Variants in PTPRS observed in about 807,000 individuals in gnomAD.
PTPRS encodes protein tyrosine phosphatase receptor type S, also known as receptor-type tyrosine-protein phosphatase S.
A neutral mutation model predicts 215.3 loss-of-function variants in PTPRS; 63 were observed. That is an observed-to-expected ratio of 0.29 (90% CI 0.24 to 0.36). The LOEUF (loss-of-function observed/expected upper bound fraction) is 0.36. PTPRS is among the 10% of genes least tolerant of loss of function. The pLI is 1.00. For missense variants in PTPRS, 2,258 were observed against 2,825.8 expected, an observed-to-expected ratio of 0.80 and a Z score of 4.56; for synonymous variants, 1,404 against 1,191.4, an observed-to-expected ratio of 1.18 and a Z score of -3.68.
chr19:5,216,856 G>C, intron 25 of PTPRS, 89 bp from the exon 26 acceptor site: 1 of 841,564 alleles, frequency 1.2e-6, no homozygotes, highest in Non-Finnish European at 2.0e-6. Flanking sequence ...ACTGGCTGGC[G>C]GATGCAAAGG....
rs2044252793 is a variant in PTPRS at position 5,243,835 on chromosome 19, C to T, written c.1570+66G>A. 9 of 1,333,170 alleles carry T rather than the reference C, an allele frequency of 6.8e-6. No individual in the cohort carries two copies. The South Asian group carries it at 1.2e-4, about 18-fold the overall frequency. The allele number at this position is 1,333,170 out of a possible 1,614,324, so 82.6% of individuals were successfully genotyped here. A position where few individuals can be genotyped will look rare whatever the true frequency, so the allele number is the denominator to read the frequency against. ...AACCCACAAACCGCTCTGCGGCTTC[C>T]AGGGAGCATGCAAAGAACCAAGCCG... On this transcript the variant is annotated intron_variant, in intron 11 of 37. Coordinates refer to ENST00000262963, the MANE Select transcript of PTPRS (RefSeq NM_002850.4).
At chr19:5,208,176 T>C in intron 36 of PTPRS, 61 bp downstream of exon 36, 1 of 1,558,128 alleles carries the variant, frequency 6.4e-7, no homozygotes, top group South Asian at 1.2e-5. Context: ...CTTGGGGCTG[T>C]CCCCACCAGG....
At position 5,260,626 on chromosome 19, in the gene PTPRS, C is replaced by G. The variant is rs191340487; in HGVS notation, c.595+179G>C. On this transcript the variant is annotated intron_variant, in intron 7 of 37. Transcript: ENST00000262963. ...GAGGAGTCACCTCGGCCACATTCAG[C>G]CCCCTGGCCACAGACACAGACACAG... is the stretch of plus-strand genomic sequence containing the variant. Among the ~76,000 whole-genome samples the G allele has an allele frequency of 5.2e-3, 789 of 152,326 alleles. 5 individuals carry two copies. The highest frequency in any genetic ancestry group is 4.4e-3 in the Non-Finnish European group (296 of 68,028).
Position 5,257,561 on chromosome 19 carries a change from G to A in PTPRS, c.706+456C>T, listed in dbSNP as rs1041086767. 2.6e-5 allele frequency: 11 copies of A among 431,318 alleles called. No homozygotes were observed. The highest frequency in any genetic ancestry group is 1.4e-4 in the East Asian group (2 of 14,046). 26.7% of individuals were successfully genotyped at this position (431,318 alleles called of 1,614,324 possible). ...CCTGGATTAGGGGGGGCAGTGAAGC[G>A]GGGAGCTACGAGGCCACAAAGTTGG... is the stretch of plus-strand genomic sequence containing the variant. On this transcript the variant is annotated intron_variant, in intron 8 of 37. Coordinates refer to ENST00000262963, the MANE Select transcript of PTPRS (RefSeq NM_002850.4). This position sits in a 1 kb window ranked among gnomAD's most constrained non-coding sequence, Gnocchi z 4.4.
At chr19:5,256,925 C>T (rs2045598534) in intron 8 of PTPRS, among the ~76,000 whole-genome samples, 1 of 151,894 alleles carries the variant, frequency 6.6e-6, no homozygotes. Flanking sequence ...ACAACTAGGG[C>T]TTGGTACTTC....
At chr19:5,300,048 C>A (rs1463321764) in intron 1 of PTPRS, among the ~76,000 whole-genome samples, 3 of 151,786 alleles carry the variant, frequency 2.0e-5, no homozygotes, top group African/African-American at 7.3e-5. Flanking sequence ...TGAGACCAGC[C>A]TGGACAACAT....
At chr19:5,213,812 A>G (rs908514865) in intron 30 of PTPRS, among the ~76,000 whole-genome samples, 1 of 152,234 alleles carries the variant, frequency 6.6e-6, no homozygotes, top group Non-Finnish European at 1.5e-5. Context: ...CCTCCCCATC[A>G]TGACAATAAC....
chr19:5,213,721 G>A (rs970619055), intron 30 of PTPRS, among the ~76,000 whole-genome samples: 1 of 152,128 alleles, frequency 6.6e-6, no homozygotes, highest in Non-Finnish European at 1.5e-5. Flanking sequence ...CAGTTTTCTG[G>A]CACTTAGGTC....
intron 1 of PTPRS, among the ~76,000 whole-genome samples, chr19:5,306,424 C>A (rs1442793101): frequency 1.3e-5 from 2 of 152,050 alleles, no homozygotes; most frequent in Non-Finnish European, 2.9e-5. Context: ...GGATTACAGG[C>A]ATGAACTACC....
At chr19:5,301,563 G>A (rs1345077298) in intron 1 of PTPRS, among the ~76,000 whole-genome samples, 4 of 151,084 alleles carry the variant, frequency 2.6e-5, no homozygotes, top group Non-Finnish European at 5.9e-5. Flanking sequence ...TGATCCACTC[G>A]CCTCAGCCTC....
chr19:5,277,703 A>C (rs976864275), intron 2 of PTPRS: 10 of 595,726 alleles, frequency 1.7e-5, no homozygotes, highest in Non-Finnish European at 2.8e-5. Flanking sequence ...GCGCTGCCTA[A>C]GGAGGTGGCA....
In PTPRS at chr19:5,286,132, G is replaced by A. The variant is rs368017563; in HGVS notation, c.9C>T (p.Pro3=). 5.9e-5 allele frequency: 96 copies of A among 1,613,894 alleles called. No individual in the cohort carries two copies. Among genetic ancestry groups the A allele is most frequent in the Non-Finnish European group, 7.8e-5 (92 of 1,179,980 alleles). Residue 3 remains proline (P), a synonymous_variant, in exon 2 of 38, where the codon CCC becomes CCT. Coordinates refer to ENST00000262963, the MANE Select transcript of PTPRS (RefSeq NM_002850.4). MA[P]TWGPGMVSVV... is the part of the protein sequence containing the mutation. ...CAGACACCATGCCAGGGCCCCAGGT[G>A]GGCGCCATGCTTGGCAGCGACCTCC...
At chr19:5,313,103 G>C (rs868291580) in intron 1 of PTPRS, among the ~76,000 whole-genome samples, 2 of 152,176 alleles carry the variant, frequency 1.3e-5, no homozygotes, top group African/African-American at 4.8e-5. Flanking sequence ...TTTTAGCAGA[G>C]ACAGGGTTTC....
In PTPRS at chr19:5,214,365, T is replaced by C. The variant is rs1483140281; in HGVS notation, c.4610A>G (p.His1537Arg). The C allele has an allele frequency of 1.9e-6, 3 of 1,613,962 alleles. No homozygotes were observed. The highest frequency in any genetic ancestry group is 1.7e-6 in the Non-Finnish European group (2 of 1,180,030). The change falls in exon 30 of 38, where the codon CAC becomes CGC. Residue 1537 changes from histidine (H) to arginine (R), a missense_variant. Around this residue, in one of 6 missense-constraint regions of PTPRS, gnomAD observed 927 missense variants for 1,125.9 expected, o/e 0.82. Coordinates refer to ENST00000262963, the MANE Select transcript of PTPRS (RefSeq NM_002850.4). ...CAGCCCCAGCCTGGGCCCCACCTTG[T>C]GCAGAGAGAATGTCCTGACGCAGAA... Reference protein sequence around the residue: ...ATFCVRTFSLHKNGSSEKREV... With the variant: ...ATFCVRTFSLRKNGSSEKREV...
At chr19:5,308,466 A>ACATC (rs1230395829) in intron 1 of PTPRS, among the ~76,000 whole-genome samples, 1 of 152,208 alleles carries the variant, frequency 6.6e-6, no homozygotes, top group Non-Finnish European at 1.5e-5. Context: ...GAAGCCCAGT[A>ACATC]CATCCACACG....
Position 5,220,015 on chromosome 19 carries a change from C to T in PTPRS, c.3689G>A (p.Gly1230Asp), listed in dbSNP as rs1433499108. Residue 1230 changes from glycine to aspartate, a missense_variant, in exon 22 of 38, where the codon GGC becomes GAC. Transcript: ENST00000262963. ...GGGCTCCAGGCCCCGGTTATCGAAG[C>T]CGCCATACTGCTTCTGGTCGCCGGG... ...FHPGDQKQYG[G>D]FDNRGLEPGH... is the part of the protein sequence containing the mutation. 2 of 1,614,034 alleles carry T rather than the reference C, an allele frequency of 1.2e-6. No homozygotes were observed. Among genetic ancestry groups the T allele is most frequent in the African/African-American group, 2.7e-5 (2 of 75,056 alleles).
At chr19:5,250,359 T>C (rs2044887783) in intron 9 of PTPRS, among the ~76,000 whole-genome samples, 1 of 152,186 alleles carries the variant, frequency 6.6e-6, no homozygotes, top group South Asian at 2.1e-4. Flanking sequence ...GACGCTGTGT[T>C]CTGCCCGGTT....
intron 5 of PTPRS, among the ~76,000 whole-genome samples, chr19:5,263,444 G>A (rs1369240832): frequency 6.6e-6 from 1 of 152,096 alleles, no homozygotes; most frequent in African/African-American, 2.4e-5. Flanking sequence ...GGGCAACGAT[G>A]GGCAGTGAGT....
intron 4 of PTPRS, among the ~76,000 whole-genome samples, chr19:5,270,190 G>A (rs1056745973): frequency 1.3e-5 from 2 of 152,160 alleles, no homozygotes; most frequent in Non-Finnish European, 2.9e-5. Context: ...CAGCAGGATG[G>A]GATCCAGGAC....
Sources: gnomAD v4.1 joint callset for allele counts (sites outside exome capture counted in the v4.1 genomes callset) on GRCh38, gnomAD v4.1.1 for gene constraint, gnomAD v4.1.1 regional missense constraint, Gnocchi (gnomAD v3.1) non-coding constraint, MANE v1.5 for transcripts, NCBI Gene and HGNC (gene_info 2026-07-23, HGNC 2026-07-21) for gene names.